The following WDR59 variants were observed in gnomAD, a reference collection of about 807,000 sequenced individuals.
WDR59 encodes the protein GATOR2 complex protein WDR59.
A neutral mutation model predicts 131.2 loss-of-function variants in WDR59; 100 were observed. The ratio of observed to expected loss-of-function variants is 0.76; its 90% CI spans 0.65 to 0.90. The LOEUF is 0.90. WDR59 is among the 40% of genes least tolerant of loss of function. WDR59 has a pLI of 0.00. For synonymous variants in WDR59, 601 were observed against 466.2 expected, an observed-to-expected ratio of 1.29 and a Z score of -3.72; for missense variants, 1,203 against 1,262.2, an observed-to-expected ratio of 0.95 and a Z score of 0.71.
At chr16:74,928,462 G>C (rs2031071607) in intron 8 of WDR59, among the ~76,000 whole-genome samples, 1 of 150,348 alleles carries the variant, frequency 6.7e-6, no homozygotes, top group Non-Finnish European at 1.5e-5. Context: ...CAAGTGATCT[G>C]CTTGCCTAAA....
chr16:74,967,085 CA>C (rs2033803674), intron 1 of WDR59, among the ~76,000 whole-genome samples: 1 of 152,174 alleles, frequency 6.6e-6, no homozygotes, highest in African/African-American at 2.4e-5. Context: ...GCGACAATCA[CA>C]AATCACAAAT....
At chr16:74,949,330 C>CAAAAAAAAA (rs550013099) in intron 5 of WDR59, among the ~76,000 whole-genome samples, 2 of 42,588 alleles carry the variant, frequency 4.7e-5, no homozygotes, top group East Asian at 7.2e-4. Flanking sequence ...TACCTTGTCT[C>CAAAAAAAAA]AAAAAAAAAA....
intron 6 of WDR59, among the ~76,000 whole-genome samples, chr16:74,947,042 G>T (rs2032689499): frequency 1.3e-5 from 2 of 152,188 alleles, no homozygotes; most frequent in Admixed American, 1.3e-4. Flanking sequence ...AGGAAGTGCT[G>T]GGAATATTCC....
chr16:74,957,694 C>G (rs2145166023), intron 2 of WDR59, among the ~76,000 whole-genome samples: 1 of 152,090 alleles, frequency 6.6e-6, no homozygotes, highest in Middle Eastern at 3.4e-3. Flanking sequence ...AGTAAAATAC[C>G]CTTGGTGTGT....
chr16:74,947,520 A>G (rs1317152108), intron 6 of WDR59, among the ~76,000 whole-genome samples: 1 of 152,236 alleles, frequency 6.6e-6, no homozygotes, highest in Non-Finnish European at 1.5e-5. Context: ...AGACTTAAAA[A>G]GATGAGAAAT....
intron 6 of WDR59, among the ~76,000 whole-genome samples, chr16:74,945,103 G>A (rs534033929): frequency 2.0e-4 from 30 of 150,546 alleles, no homozygotes; most frequent in African/African-American, 6.3e-4. Context: ...TAGCCTGGCC[G>A]ACAGAGCAAG....
intron 25 of WDR59, among the ~76,000 whole-genome samples, chr16:74,876,859 G>A (rs1292612654): frequency 6.6e-6 from 1 of 152,136 alleles, no homozygotes; most frequent in Non-Finnish European, 1.5e-5. Flanking sequence ...ACAAAGGGAT[G>A]TGGAATGTGT....
At chr16:74,983,102 G>T (rs1317577476) in intron 1 of WDR59, among the ~76,000 whole-genome samples, 1 of 152,176 alleles carries the variant, frequency 6.6e-6, no homozygotes, top group African/African-American at 2.4e-5. Flanking sequence ...CAATATTTTG[G>T]GAGGCCAAAG....
intron 6 of WDR59, among the ~76,000 whole-genome samples, chr16:74,943,032 C>T (rs938384819): frequency 2.0e-5 from 3 of 152,082 alleles, no homozygotes; most frequent in African/African-American, 4.8e-5. Flanking sequence ...ATCATAGTCA[C>T]CTAATTGAGG....
rs1964037764 is a variant in WDR59 at position 74,872,941 on chromosome 16, C to G, written c.*1268G>C. 2 of 151,908 alleles carry G rather than the reference C, an allele frequency of 1.3e-5. No homozygotes were observed. The allele number at this position is 151,908 out of a possible 1,614,324, so 9.4% of individuals were successfully genotyped here. A position where few individuals can be genotyped will look rare whatever the true frequency, so the allele number is the denominator to read the frequency against. On this transcript the variant is annotated 3_prime_UTR_variant, in exon 26 of 26. Coordinates refer to ENST00000262144, the MANE Select transcript of WDR59 (RefSeq NM_030581.4). The stretch of plus-strand genomic sequence containing the variant: ...TTTCTTTTTTTGAGACAGAGTCTCA[C>G]TCTTGTCACCCAGGCTGGAGTGCAA...
chr16:74,888,241 AGGC>A lies in WDR59; in HGVS notation c.2271_2273del (p.Pro758del). 3 of 1,614,172 alleles carry A rather than the reference AGGC, an allele frequency of 1.9e-6. No homozygotes were observed. The South Asian group carries it at 3.3e-5, about 18-fold the overall frequency. ...GCCCAAAGGGGTTTGGTAGCCCCTG[AGGC>A]CGAGACTGGGCTTCAAACACGCTAC... On this transcript the variant is annotated inframe_deletion, in exon 22 of 26. Coordinates refer to ENST00000262144, the MANE Select transcript of WDR59 (RefSeq NM_030581.4).
chr16:74,894,616 A>C lies in WDR59; in HGVS notation c.1867-804T>G, dbSNP rs1197768516. On this transcript the variant is annotated intron_variant, in intron 18 of 25. Coordinates refer to ENST00000262144, the MANE Select transcript of WDR59 (RefSeq NM_030581.4). ...CAGAAGTTAAAAAGGGGGTCACCAA[A>C]GTGATTCAACTAAGGAAGGAGTGAC... is the stretch of plus-strand genomic sequence containing the variant. Among the ~76,000 whole-genome samples the C allele has an allele frequency of 1.3e-5, 2 of 152,210 alleles. 1 individual carries two copies. Among genetic ancestry groups the C allele is most frequent in the South Asian group, 4.1e-4 (2 of 4,836 alleles).
intron 1 of WDR59, among the ~76,000 whole-genome samples, chr16:74,970,526 A>AAAAAAAAAAAAAAAAAAAAC (rs1210461650): frequency 7.0e-6 from 1 of 143,202 alleles, no homozygotes; most frequent in Non-Finnish European, 1.5e-5. Context: ...AAAAAAAAAA[A>AAAAAAAAAAAAAAAAAAAAC]AGCAGCTCTC....
At chr16:74,917,717 G>A (rs992274769) in intron 11 of WDR59, among the ~76,000 whole-genome samples, 1 of 149,858 alleles carries the variant, frequency 6.7e-6, no homozygotes, top group African/African-American at 2.5e-5. Context: ...GCTGACGCAG[G>A]AGAATCGCTT....
chr16:74,951,255 A>G (rs2032983366), intron 4 of WDR59, among the ~76,000 whole-genome samples: 1 of 151,826 alleles, frequency 6.6e-6, no homozygotes, highest in African/African-American at 2.4e-5. Context: ...GTCAACAGCT[A>G]CGCGATGGTA....
chr16:74,935,759 G>A (rs2031748138), intron 8 of WDR59, among the ~76,000 whole-genome samples: 1 of 151,970 alleles, frequency 6.6e-6, no homozygotes, highest in Admixed American at 6.6e-5. Flanking sequence ...AGCACTGTGG[G>A]AGGCCAAGGC....
rs757333316 is a variant in WDR59 at position 74,874,283 on chromosome 16, T to A, written c.2851A>T (p.Met951Leu). The change falls in exon 26 of 26, where the codon ATG becomes TTG. Residue 951 changes from methionine to leucine, a missense_variant. Coordinates refer to ENST00000262144, the MANE Select transcript of WDR59 (RefSeq NM_030581.4). Reference protein sequence around the residue: ...CGHGGHTSHMMEWFRTQEVCP... With the variant: ...CGHGGHTSHMLEWFRTQEVCP... ...ACCTCCTGGGTCCGAAACCACTCCA[T>A]CATGTGGCTGGTGTGGCCACCGTGC... 4.3e-6 allele frequency: 7 copies of A among 1,614,136 alleles called. No homozygotes were observed. In the South Asian group the frequency reaches 6.6e-5, roughly 15 times the overall value.
chr16:74,922,186 T>C, intron 9 of WDR59, 83 bp from the exon 10 acceptor site: 1 of 1,542,326 alleles, frequency 6.5e-7, no homozygotes, highest in Non-Finnish European at 8.8e-7. Flanking sequence ...CCTGGAATTC[T>C]TCCTAAGTAA....
chr16:74,892,295 A>G lies in WDR59; in HGVS notation c.2082+189T>C, dbSNP rs186546969. 6.6e-3 allele frequency among the ~76,000 whole-genome samples: 1,000 copies of G among 152,328 alleles called. 8 individuals are homozygous for G. The highest frequency in any genetic ancestry group is 0.023 in the African/African-American group (944 of 41,576). On this transcript the variant is annotated intron_variant, in intron 20 of 25. Transcript: ENST00000262144. ...CGATGCTTTAGGACCTTCCCAACTG[A>G]GCACCAAAAAGAAAAAATTTCCAGC...
Sources: gnomAD v4.1 joint callset for allele counts (sites outside exome capture counted in the v4.1 genomes callset) on GRCh38, gnomAD v4.1.1 for gene constraint, MANE v1.5 for transcripts, NCBI Gene and HGNC (gene_info 2026-07-23, HGNC 2026-07-21) for gene names.